The following CLINT1 variants were observed in gnomAD, a reference collection of about 807,000 sequenced individuals.
The protein encoded by CLINT1 is clathrin interactor 1.
In CLINT1, 15 loss-of-function variants were observed where a neutral mutation model predicts 70.4. That is an observed-to-expected ratio of 0.21 (90% CI 0.14 to 0.33). CLINT1 has a LOEUF of 0.33. CLINT1 is among the 10% of genes least tolerant of loss of function. CLINT1 has a pLI of 1.00. For missense variants in CLINT1, 615 were observed against 778.1 expected (o/e 0.79, Z 2.49); for synonymous variants, 227 against 254.7 (o/e 0.89, Z 1.04).
At chr5:157,822,622 C>A (rs1279973674) in intron 1 of CLINT1, among the ~76,000 whole-genome samples, 1 of 152,198 alleles carries the variant, frequency 6.6e-6, no homozygotes, top group African/African-American at 2.4e-5. Flanking sequence ...TATTAGTGTT[C>A]ATCGTAGCCC....
At chr5:157,826,797 T>C (rs573997614) in intron 1 of CLINT1, among the ~76,000 whole-genome samples, 2 of 152,304 alleles carry the variant, frequency 1.3e-5, no homozygotes, top group African/African-American at 2.4e-5. Flanking sequence ...TCTGAGCAAT[T>C]TGATGAGTAG....
intron 5 of CLINT1, among the ~76,000 whole-genome samples, chr5:157,812,601 G>C (rs571711188): frequency 2.6e-5 from 4 of 152,174 alleles, no homozygotes; most frequent in African/African-American, 9.7e-5. Context: ...CTTAAATAAA[G>C]AAAGAGAGAC....
At chr5:157,822,626 G>A (rs978751413) in intron 1 of CLINT1, among the ~76,000 whole-genome samples, 3 of 152,144 alleles carry the variant, frequency 2.0e-5, no homozygotes, top group African/African-American at 7.2e-5. Flanking sequence ...AGTGTTCATC[G>A]TAGCCCTCCT....
intron 1 of CLINT1, among the ~76,000 whole-genome samples, chr5:157,837,238 C>T (rs1032804742): frequency 6.6e-6 from 1 of 152,076 alleles, no homozygotes; most frequent in Admixed American, 6.5e-5. Context: ...CCTGCCTCTA[C>T]AAAGTATAAA....
At chr5:157,851,305 G>A (rs1216445880) in intron 1 of CLINT1, among the ~76,000 whole-genome samples, 2 of 152,114 alleles carry the variant, frequency 1.3e-5, no homozygotes, top group African/African-American at 2.4e-5. Flanking sequence ...ATGAGTGTGT[G>A]CAAAATTATA....
chr5:157,852,105 A>G (rs1753596851), intron 1 of CLINT1, among the ~76,000 whole-genome samples: 1 of 152,242 alleles, frequency 6.6e-6, no homozygotes, highest in Admixed American at 6.5e-5. Flanking sequence ...TTCAATTTGC[A>G]TTTATGAAAT....
At chr5:157,822,124 G>C (rs557138971) in intron 1 of CLINT1, among the ~76,000 whole-genome samples, 1 of 151,964 alleles carries the variant, frequency 6.6e-6, no homozygotes, top group South Asian at 2.1e-4. Flanking sequence ...TTGTGGGAGG[G>C]ACCTGTTGGG....
intron 3 of CLINT1, among the ~76,000 whole-genome samples, chr5:157,815,467 T>C (rs1436336725): frequency 1.3e-5 from 2 of 152,202 alleles, no homozygotes; most frequent in African/African-American, 4.8e-5. Context: ...ATATAATAAA[T>C]TGTACATTTT....
intron 3 of CLINT1, among the ~76,000 whole-genome samples, chr5:157,815,274 T>C (rs556375106): frequency 6.6e-6 from 1 of 152,126 alleles, no homozygotes; most frequent in Admixed American, 6.5e-5. Flanking sequence ...CATTCTGGCT[T>C]GGGTGACAAA....
chr5:157,825,433 G>A (rs1027729272), intron 1 of CLINT1, among the ~76,000 whole-genome samples: 11 of 152,058 alleles, frequency 7.2e-5, no homozygotes, highest in Non-Finnish European at 1.5e-4. Flanking sequence ...ACGATCAAAT[G>A]AGTAAAAAGC....
At chr5:157,793,942 C>T (rs1251764800) in intron 9 of CLINT1, among the ~76,000 whole-genome samples, 1 of 152,088 alleles carries the variant, frequency 6.6e-6, no homozygotes. Flanking sequence ...AGTCAAATTA[C>T]ATCTTTTCTC....
intron 8 of CLINT1, 100 bp from the exon 9 acceptor site, chr5:157,795,072 G>A (rs1040830766): frequency 1.9e-5 from 17 of 907,478 alleles, no homozygotes; most frequent in Non-Finnish European, 2.1e-5. Context: ...CCTAATATTA[G>A]AGGCCCAGAT....
intron 1 of CLINT1, among the ~76,000 whole-genome samples, chr5:157,829,016 T>C (rs967675129): frequency 1.3e-5 from 2 of 151,338 alleles, no homozygotes; most frequent in Non-Finnish European, 2.9e-5. Context: ...GCAAGAGAAT[T>C]GGTTGAACCC....
intron 1 of CLINT1, among the ~76,000 whole-genome samples, chr5:157,843,409 G>C (rs761363724): frequency 6.6e-6 from 1 of 152,268 alleles, no homozygotes; most frequent in Non-Finnish European, 1.5e-5. Context: ...TTGGTAGTGG[G>C]TGTCCCAAAA....
At chr5:157,807,665 T>C (rs2113184796) in intron 6 of CLINT1, among the ~76,000 whole-genome samples, 1 of 152,228 alleles carries the variant, frequency 6.6e-6, no homozygotes, top group African/African-American at 2.4e-5. Context: ...TTCACTCTTT[T>C]AAACCTAAAT....
chr5:157,819,397 C>T (rs1762815091), intron 1 of CLINT1, among the ~76,000 whole-genome samples: 1 of 152,008 alleles, frequency 6.6e-6, no homozygotes, highest in Non-Finnish European at 1.5e-5. Flanking sequence ...AAAATAAATC[C>T]ACAATCTCCA....
At chr5:157,851,328 T>C (rs878912419) in intron 1 of CLINT1, among the ~76,000 whole-genome samples, 1 of 152,120 alleles carries the variant, frequency 6.6e-6, no homozygotes, top group Non-Finnish European at 1.5e-5. Context: ...AGATTATTTA[T>C]ATTAAAGTTA....
intron 1 of CLINT1, among the ~76,000 whole-genome samples, chr5:157,852,596 T>C (rs1753613276): frequency 6.6e-6 from 1 of 152,240 alleles, no homozygotes; most frequent in Non-Finnish European, 1.5e-5. Context: ...TGTCAAGTAC[T>C]ATACTGTTTC....
intron 8 of CLINT1, among the ~76,000 whole-genome samples, chr5:157,802,706 C>T (rs571030958): frequency 2.6e-5 from 4 of 152,044 alleles, no homozygotes; most frequent in Non-Finnish European, 2.9e-5. Flanking sequence ...CCACCATACC[C>T]GGCTAATTTT....
Sources: allele counts gnomAD v4.1 joint callset (sites outside exome capture counted in the v4.1 genomes callset), GRCh38; gene constraint gnomAD v4.1.1; transcripts MANE v1.5; gene names NCBI Gene and HGNC (gene_info 2026-07-23, HGNC 2026-07-21).